PSD3: variants seen among roughly 807,000 people sequenced by gnomAD.
The protein encoded by PSD3 is PH and SEC7 domain-containing protein 3.
PSD3 carries 49 observed loss-of-function variants against 105.5 expected under a neutral mutation model. The observed-to-expected ratio is 0.46, with a 90% CI of 0.37 to 0.59. The LOEUF (loss-of-function observed/expected upper bound fraction) is 0.59. Ranked by LOEUF, PSD3 falls within the 20% of genes least tolerant of loss-of-function variation. The probability of loss-of-function intolerance (pLI) is 0.00; values close to 1 mark genes in which losing one functional copy is unlikely to be tolerated. For missense variants in PSD3, 1,561 were observed against 1,263.8 expected (o/e 1.24, Z -3.57); for synonymous variants, 557 against 457.8 (o/e 1.22, Z -2.77).
At chr8:18,935,780 T>A (rs1449589125) in intron 2 of PSD3, among the ~76,000 whole-genome samples, 3 of 152,074 alleles carry the variant, frequency 2.0e-5, no homozygotes, top group Non-Finnish European at 4.4e-5. Flanking sequence ...ACTGGTTAAT[T>A]CTTGGAATTT....
chr8:18,621,976 T>C (rs1806148741), intron 11 of PSD3, among the ~76,000 whole-genome samples: 1 of 152,250 alleles, frequency 6.6e-6, no homozygotes. Context: ...TTCTTAAATT[T>C]GACATGTGGG....
At chr8:18,748,289 A>C (rs1805188002) in intron 9 of PSD3, among the ~76,000 whole-genome samples, 1 of 152,196 alleles carries the variant, frequency 6.6e-6, no homozygotes, top group Non-Finnish European at 1.5e-5. Context: ...CAAAATAAAA[A>C]GGTATATACA....
At chr8:18,896,323 GAT>G (rs1819145834) in intron 2 of PSD3, among the ~76,000 whole-genome samples, 1 of 152,142 alleles carries the variant, frequency 6.6e-6, no homozygotes, top group Admixed American at 6.6e-5. Flanking sequence ...CTTTTTTCTG[GAT>G]ATATACCAAG....
intron 9 of PSD3, among the ~76,000 whole-genome samples, chr8:18,710,743 G>A (rs538284364): frequency 3.9e-5 from 6 of 151,944 alleles, no homozygotes; most frequent in South Asian, 4.2e-4. Context: ...GTGCAGTGGC[G>A]TGATTTAGGC....
At chr8:18,827,746 T>C (rs1025256602) in intron 4 of PSD3, among the ~76,000 whole-genome samples, 6 of 151,574 alleles carry the variant, frequency 4.0e-5, no homozygotes, top group Admixed American at 2.0e-4. Context: ...TGGAGCAGGA[T>C]TGTGAGTAAA....
chr8:18,615,948 A>G (rs1446124692), intron 11 of PSD3, among the ~76,000 whole-genome samples: 1 of 152,278 alleles, frequency 6.6e-6, no homozygotes, highest in Non-Finnish European at 1.5e-5. Context: ...GGGCAAAAAC[A>G]GCTGAAGGTC....
intron 1 of PSD3, among the ~76,000 whole-genome samples, chr8:18,943,739 T>C (rs1298592760): frequency 6.6e-6 from 1 of 151,924 alleles, no homozygotes; most frequent in Non-Finnish European, 1.5e-5. Context: ...ACTAGAGAGA[T>C]TTTTCAAAGA....
At chr8:18,723,327 G>C (rs181649818) in intron 9 of PSD3, among the ~76,000 whole-genome samples, 10 of 152,306 alleles carry the variant, frequency 6.6e-5, no homozygotes, top group African/African-American at 2.4e-4. Flanking sequence ...GGAATGAGCT[G>C]TCATGCAAAC....
At position 19,063,513 on chromosome 8, in the gene PSD3, C is replaced by T. The variant is rs375219782; in HGVS notation, c.324+20693G>A. On this transcript the variant is annotated intron_variant, in intron 1 of 1. Transcript: ENST00000521475. ...GCCCTCTGTTTTCCTTACACAACCC[C>T]GCGATCTGATTCTCACTACATCGTG... Among the ~76,000 whole-genome samples the T allele has an allele frequency of 1.3e-3, 204 of 152,272 alleles. 5 individuals carry two copies. In the South Asian group the frequency reaches 0.037, roughly 27 times the overall value.
At chr8:18,930,019 T>C (rs1002541732) in intron 2 of PSD3, among the ~76,000 whole-genome samples, 2 of 152,108 alleles carry the variant, frequency 1.3e-5, no homozygotes, top group African/African-American at 4.8e-5. Flanking sequence ...AGAAGATTGA[T>C]CTAATCCAGG....
intron 3 of PSD3, 25 bp from the exon 4 acceptor site, chr8:18,868,094 A>G: frequency 6.4e-7 from 1 of 1,558,436 alleles, no homozygotes; most frequent in Non-Finnish European, 8.7e-7. Flanking sequence ...AGAGTGAAGA[A>G]TTCCAATATT....
chr8:18,883,229 C>A (rs1287627788), intron 2 of PSD3, among the ~76,000 whole-genome samples: 2 of 152,142 alleles, frequency 1.3e-5, no homozygotes, highest in Non-Finnish European at 2.9e-5. Context: ...CATTTAATGC[C>A]TACTTTTTTA....
intron 1 of PSD3, among the ~76,000 whole-genome samples, chr8:18,987,280 ATT>A (rs199530425): frequency 2.0e-5 from 3 of 148,014 alleles, no homozygotes; most frequent in Non-Finnish European, 3.0e-5. Flanking sequence ...TTTCTTTTTT[ATT>A]TTTTTTTTTA....
intron 15 of PSD3, among the ~76,000 whole-genome samples, chr8:18,554,714 G>A (rs1473324133): frequency 2.6e-5 from 4 of 152,072 alleles, no homozygotes; most frequent in Non-Finnish European, 4.4e-5. Context: ...GAGGTATTAC[G>A]GAATCCGCTA....
chr8:18,539,547 C>CTTTTT (rs547299808), intron 15 of PSD3, among the ~76,000 whole-genome samples: 1 of 133,852 alleles, frequency 7.5e-6, no homozygotes, highest in African/African-American at 2.8e-5. Context: ...TAGTAAATTA[C>CTTTTT]TTTTTTTTTT....
intron 9 of PSD3, among the ~76,000 whole-genome samples, chr8:18,705,726 A>G (rs1450127896): frequency 6.6e-6 from 1 of 152,166 alleles, no homozygotes; most frequent in African/African-American, 2.4e-5. Flanking sequence ...AGTCTTAAAG[A>G]AAGTGACATA....
chr8:19,075,621 T>C (rs1406979092), intron 1 of PSD3, among the ~76,000 whole-genome samples: 2 of 152,236 alleles, frequency 1.3e-5, no homozygotes, highest in Non-Finnish European at 2.9e-5. Context: ...GGCTCTCTTC[T>C]GACTCAATGG....
chr8:18,956,137 G>A (rs1314889718), intron 1 of PSD3, among the ~76,000 whole-genome samples: 1 of 152,174 alleles, frequency 6.6e-6, no homozygotes, highest in African/African-American at 2.4e-5. Flanking sequence ...AGACTTTTCT[G>A]AGGAAGCTGT....
In PSD3 at chr8:18,804,685, G is replaced by A; in HGVS notation, c.1829+19C>T. The A allele has an allele frequency of 1.2e-6, 2 of 1,612,762 alleles. No homozygotes were observed. The highest frequency in any genetic ancestry group is 1.7e-6 in the Non-Finnish European group (2 of 1,179,182). On this transcript the variant is annotated intron_variant, in intron 5 of 15. Transcript: ENST00000327040. ...AAAACAGGAGAGAATTCAGACTCCA[G>A]CAATGGGTCAGAACGTACTTCTTGC...
Sources: gnomAD v4.1 joint callset for allele counts (sites outside exome capture counted in the v4.1 genomes callset) on GRCh38, gnomAD v4.1.1 for gene constraint, MANE v1.5 for transcripts, NCBI Gene and HGNC (gene_info 2026-07-23, HGNC 2026-07-21) for gene names.